ANKRD44: variants seen among roughly 807,000 people sequenced by gnomAD.
The protein encoded by ANKRD44 is ankyrin repeat domain 44.
ANKRD44 carries 35 observed loss-of-function variants against 116.0 expected under a neutral mutation model. That is an observed-to-expected ratio of 0.30 (90% confidence interval 0.23 to 0.40). The LOEUF is 0.40. Among genes scored for constraint, ANKRD44 ranks in the 10% least tolerant of loss-of-function variants. The probability of loss-of-function intolerance (pLI) is 1.00; values close to 1 mark genes in which losing one functional copy is unlikely to be tolerated. For synonymous variants in ANKRD44, 435 were observed against 461.8 expected (o/e 0.94, Z 0.74); for missense variants, 1,014 against 1,242.6 (o/e 0.82, Z 2.77).
intron 3 of ANKRD44, among the ~76,000 whole-genome samples, chr2:197,145,763 C>A (rs569934896): frequency 1.3e-5 from 2 of 152,288 alleles, no homozygotes; most frequent in South Asian, 4.1e-4. Context: ...TTCACCACAT[C>A]TGCTTGAATG....
intron 1 of ANKRD44, among the ~76,000 whole-genome samples, chr2:197,280,431 A>T (rs2083230656): frequency 6.6e-6 from 1 of 151,724 alleles, no homozygotes; most frequent in African/African-American, 2.4e-5. Flanking sequence ...AATTACCAAA[A>T]GCTCAACAAG....
chr2:197,082,361 A>G (rs1460778520), intron 14 of ANKRD44, among the ~76,000 whole-genome samples: 2 of 152,204 alleles, frequency 1.3e-5, no homozygotes, highest in African/African-American at 2.4e-5. Context: ...TTATATAACT[A>G]TGAAGAGGAA....
rs1230205825 is a variant in ANKRD44 at position 196,988,884 on chromosome 2, A to G, written c.*707T>C. ...TCAGTGTACTTAGGGTAATTTCTAG[A>G]TATTTCTTTGTGCTGCCTTTGTGTA... On this transcript the variant is annotated 3_prime_UTR_variant, in exon 28 of 28. Transcript: ENST00000282272. The G allele has an allele frequency of 2.0e-6, 2 of 985,360 alleles. No individual in the cohort carries two copies. Among genetic ancestry groups the G allele is most frequent in the Non-Finnish European group, 2.4e-6 (2 of 829,938 alleles). The allele number at this position is 985,360 out of a possible 1,614,324, so 61.0% of individuals were successfully genotyped here.
chr2:197,255,892 C>T (rs907284143), intron 1 of ANKRD44, among the ~76,000 whole-genome samples: 1 of 152,248 alleles, frequency 6.6e-6, no homozygotes. Context: ...TGTTTAATCA[C>T]GCATCTGTGC....
chr2:197,100,982 A>G (rs918628904), intron 9 of ANKRD44, among the ~76,000 whole-genome samples: 2 of 152,156 alleles, frequency 1.3e-5, no homozygotes, highest in African/African-American at 4.8e-5. Context: ...TTTACCGCTA[A>G]GTATGTTTTT....
chr2:197,035,364 A>G (rs1393088934), intron 16 of ANKRD44, among the ~76,000 whole-genome samples: 8 of 152,174 alleles, frequency 5.3e-5, no homozygotes, highest in Non-Finnish European at 1.0e-4. Context: ...AAGAAAATAG[A>G]AAGTGAGTAT....
At chr2:197,131,899 C>G (rs946117091) in intron 4 of ANKRD44, among the ~76,000 whole-genome samples, 2 of 152,180 alleles carry the variant, frequency 1.3e-5, no homozygotes, top group Non-Finnish European at 2.9e-5. Flanking sequence ...CCTACAGTTG[C>G]TCTTTTCCAA....
intron 9 of ANKRD44, among the ~76,000 whole-genome samples, chr2:197,101,079 T>C (rs2078282345): frequency 6.6e-6 from 1 of 152,224 alleles, no homozygotes; most frequent in Admixed American, 6.5e-5. Context: ...TTTTATGTAA[T>C]ATTAGTGCAT....
chr2:197,198,113 A>T (rs1158604343), intron 1 of ANKRD44: 2 of 152,226 alleles, frequency 1.3e-5, no homozygotes. Flanking sequence ...CCTTCTTCAT[A>T]TTCAGAAGGC....
intron 17 of ANKRD44, among the ~76,000 whole-genome samples, chr2:197,017,202 A>C (rs4241193): frequency 0.85 from 129,794 of 152,048 alleles, 55,959 homozygotes; most frequent in East Asian, 0.96. Flanking sequence ...AAAAGAGAAA[A>C]GAAGTTGCAA....
chr2:197,265,753 T>C (rs2082725413), intron 1 of ANKRD44, among the ~76,000 whole-genome samples: 1 of 152,052 alleles, frequency 6.6e-6, no homozygotes, highest in Non-Finnish European at 1.5e-5. Context: ...TGCAAACCAA[T>C]GGGTATCACT....
chr2:197,042,689 T>C (rs2076933284), intron 16 of ANKRD44, among the ~76,000 whole-genome samples: 1 of 152,090 alleles, frequency 6.6e-6, no homozygotes. Context: ...TAAAATCAGG[T>C]CCTAAACTGT....
At chr2:197,078,450 A>G (rs2077721252) in intron 16 of ANKRD44, 3 of 988,496 alleles carry the variant, frequency 3.0e-6, no homozygotes, top group Non-Finnish European at 2.7e-6. Flanking sequence ...GTACTGCCTT[A>G]TATCGATGAC....
intron 2 of ANKRD44, among the ~76,000 whole-genome samples, chr2:197,168,079 A>G (rs979968116): frequency 6.6e-6 from 1 of 152,212 alleles, no homozygotes; most frequent in African/African-American, 2.4e-5. Flanking sequence ...GGCCACATGG[A>G]AAGGCCACAT....
intron 16 of ANKRD44, among the ~76,000 whole-genome samples, chr2:197,071,645 T>C (rs1272081643): frequency 6.6e-6 from 1 of 152,208 alleles, no homozygotes; most frequent in Non-Finnish European, 1.5e-5. Context: ...TCATGGGCAC[T>C]TGAACTAAAT....
At chr2:197,016,999 T>G (rs945339571) in intron 17 of ANKRD44, among the ~76,000 whole-genome samples, 2 of 152,110 alleles carry the variant, frequency 1.3e-5, no homozygotes, top group African/African-American at 4.8e-5. Flanking sequence ...TCAATAAATA[T>G]GAGAATATGT....
At chr2:197,071,556 C>T (rs1003273587) in intron 16 of ANKRD44, among the ~76,000 whole-genome samples, 8 of 152,074 alleles carry the variant, frequency 5.3e-5, no homozygotes, top group East Asian at 3.8e-4. Flanking sequence ...CTAGAAAACA[C>T]GCTCTATATG....
intron 16 of ANKRD44, among the ~76,000 whole-genome samples, chr2:197,070,467 T>C (rs2077536000): frequency 6.6e-6 from 1 of 152,212 alleles, no homozygotes; most frequent in Non-Finnish European, 1.5e-5. Context: ...AAGTGCTCAA[T>C]GTTATCAAAA....
chr2:197,199,980 C>T (rs985693286), intron 1 of ANKRD44, among the ~76,000 whole-genome samples: 2 of 152,168 alleles, frequency 1.3e-5, no homozygotes, highest in Non-Finnish European at 2.9e-5. Flanking sequence ...CAGAGAAGTG[C>T]TACCAGAGCC....
Sources: allele counts gnomAD v4.1 joint callset (sites outside exome capture counted in the v4.1 genomes callset), GRCh38; gene constraint gnomAD v4.1.1; transcripts MANE v1.5; gene names NCBI Gene and HGNC (gene_info 2026-07-23, HGNC 2026-07-21).